Variants in SLC16A10 observed in about 807,000 individuals in gnomAD.
The protein encoded by SLC16A10 is monocarboxylate transporter 10.
SLC16A10 carries 27 observed loss-of-function variants against 40.0 expected under a neutral mutation model. The observed-to-expected ratio is 0.67, with a 90% CI of 0.50 to 0.93. The LOEUF (loss-of-function observed/expected upper bound fraction) is 0.93. SLC16A10 is among the 40% of genes least tolerant of loss of function. The probability of loss-of-function intolerance (pLI) is 0.00; values close to 1 mark genes in which losing one functional copy is unlikely to be tolerated. For synonymous variants in SLC16A10, 213 were observed against 249.8 expected (o/e 0.85, Z 1.39); for missense variants, 529 against 658.2 (o/e 0.80, Z 2.15).
intron 3 of SLC16A10, among the ~76,000 whole-genome samples, chr6:111,185,695 C>T (rs1772882648): frequency 6.6e-6 from 1 of 152,116 alleles, no homozygotes; most frequent in Admixed American, 6.6e-5. Context: ...CAAAAATGGA[C>T]ATGTACAAAT....
intron 3 of SLC16A10, among the ~76,000 whole-genome samples, chr6:111,198,634 AG>A (rs1215930756): frequency 6.6e-6 from 1 of 152,216 alleles, no homozygotes; most frequent in East Asian, 1.9e-4. Flanking sequence ...AACATGGAAA[AG>A]GTACAGTGAA....
intron 1 of SLC16A10, among the ~76,000 whole-genome samples, chr6:111,119,707 T>C (rs1182933897): frequency 6.6e-6 from 1 of 152,168 alleles, no homozygotes; most frequent in Non-Finnish European, 1.5e-5. Flanking sequence ...CCTTGACAGA[T>C]GTACTTAAGG....
At chr6:111,179,612 G>GAAGGT (rs1475765801) in intron 3 of SLC16A10, among the ~76,000 whole-genome samples, 7 of 152,206 alleles carry the variant, frequency 4.6e-5, no homozygotes, top group Non-Finnish European at 5.9e-5. Flanking sequence ...TTTCATAGTG[G>GAAGGT]AAGGTGAGTT....
chr6:111,118,082 T>C (rs996350077), intron 1 of SLC16A10, among the ~76,000 whole-genome samples: 11 of 152,148 alleles, frequency 7.2e-5, no homozygotes, highest in African/African-American at 2.7e-4. Context: ...GAACAGGCAG[T>C]TCACCAAAGA....
chr6:111,198,861 T>A (rs1435871952), intron 3 of SLC16A10, among the ~76,000 whole-genome samples: 8 of 152,210 alleles, frequency 5.3e-5, no homozygotes, highest in Admixed American at 6.5e-5. Flanking sequence ...CCTTTTCTTG[T>A]TTTTTAATAA....
At chr6:111,153,406 G>A (rs562387943) in intron 1 of SLC16A10, among the ~76,000 whole-genome samples, 35 of 152,164 alleles carry the variant, frequency 2.3e-4, no homozygotes, top group Non-Finnish European at 4.4e-4. Flanking sequence ...GCAGTGGCAC[G>A]TGCCTCTAGC....
At chr6:111,139,908 A>G (rs930109738) in intron 1 of SLC16A10, among the ~76,000 whole-genome samples, 1 of 152,144 alleles carries the variant, frequency 6.6e-6, no homozygotes, top group Non-Finnish European at 1.5e-5. Flanking sequence ...TTTCTCTACA[A>G]CCTCGCCAGC....
intron 1 of SLC16A10, among the ~76,000 whole-genome samples, chr6:111,108,040 G>C (rs549149720): frequency 6.9e-6 from 1 of 144,442 alleles, no homozygotes; most frequent in East Asian, 2.1e-4. Context: ...TTTTTTTTTA[G>C]TTGGAGTCTT....
At chr6:111,216,570 CTTTTTTTTTTTT>C (rs55837060) in intron 4 of SLC16A10, among the ~76,000 whole-genome samples, 1 of 133,562 alleles carries the variant, frequency 7.5e-6, no homozygotes, top group Non-Finnish European at 1.6e-5. Flanking sequence ...GCCCGGCTAA[CTTTTTTTTTTTT>C]TTTTTTGTAT....
chr6:111,204,206 A>C (rs62421953), intron 3 of SLC16A10, among the ~76,000 whole-genome samples: 16,680 of 152,246 alleles, frequency 0.11, 1,013 homozygotes, highest in Non-Finnish European at 0.14. Context: ...CAAGTCTGAG[A>C]GATTTAGAAA....
intron 5 of SLC16A10, among the ~76,000 whole-genome samples, chr6:111,221,234 C>T (rs1437541507): frequency 2.0e-5 from 3 of 151,914 alleles, no homozygotes; most frequent in African/African-American, 2.4e-5. Flanking sequence ...TGTTGAGTAC[C>T]GTAAAAGTTT....
At chr6:111,178,146 G>A (rs971693114) in intron 3 of SLC16A10, among the ~76,000 whole-genome samples, 1 of 152,204 alleles carries the variant, frequency 6.6e-6, no homozygotes, top group Non-Finnish European at 1.5e-5. Context: ...GACAAAGCTA[G>A]CGCTATGATT....
chr6:111,177,434 C>G lies in SLC16A10; in HGVS notation c.711C>G (p.Leu237=). 1 of 1,614,104 alleles carries G rather than the reference C, an allele frequency of 6.2e-7. No homozygotes were observed. The highest frequency in any genetic ancestry group is 1.1e-5 in the South Asian group (1 of 91,078). The change falls in exon 3 of 6, where the codon CTC becomes CTG. Residue 237 remains leucine, a synonymous_variant. Transcript: ENST00000368851. The stretch of plus-strand genomic sequence containing the variant: ...GCCTCTTTTACACATTGAGGGTGCT[C>G]TGCATCTTCATGTTTGTTCTCTTTC... The part of the protein sequence containing the change: ...SVGLFYTLRV[L]CIFMFVLFLA...
chr6:111,179,362 A>G (rs1772748501), intron 3 of SLC16A10, among the ~76,000 whole-genome samples: 1 of 152,226 alleles, frequency 6.6e-6, no homozygotes, highest in Non-Finnish European at 1.5e-5. Context: ...AGACTGAAAA[A>G]CAGATCTATT....
chr6:111,091,287 C>A (rs974683826), intron 1 of SLC16A10: 12 of 152,034 alleles, frequency 7.9e-5, no homozygotes, highest in Non-Finnish European at 1.3e-4. Context: ...TGTGTCATTC[C>A]AATTTTAGTA....
At chr6:111,160,429 A>G (rs1174165260) in intron 1 of SLC16A10, among the ~76,000 whole-genome samples, 2 of 152,132 alleles carry the variant, frequency 1.3e-5, no homozygotes, top group African/African-American at 2.4e-5. Context: ...TTAAGTAGAG[A>G]CAGGGTTTCA....
At chr6:111,206,410 T>C (rs1243081119) in intron 3 of SLC16A10, among the ~76,000 whole-genome samples, 182 bp from the exon 4 acceptor site, 2 of 152,146 alleles carry the variant, frequency 1.3e-5, no homozygotes, top group African/African-American at 4.8e-5. Flanking sequence ...AACTAAAACA[T>C]GTTAATTTTT....
intron 1 of SLC16A10, among the ~76,000 whole-genome samples, chr6:111,116,812 C>T (rs750636783): frequency 3.3e-5 from 5 of 152,056 alleles, no homozygotes; most frequent in Admixed American, 6.5e-5. Flanking sequence ...GTACTTAATT[C>T]GTTGTGGGCA....
intron 4 of SLC16A10, among the ~76,000 whole-genome samples, chr6:111,218,145 T>A (rs1160252072): frequency 6.6e-6 from 1 of 152,232 alleles, no homozygotes. Flanking sequence ...ATCAAGTGTT[T>A]AATGAATTTG....
Sources: allele counts gnomAD v4.1 joint callset (sites outside exome capture counted in the v4.1 genomes callset), GRCh38; gene constraint gnomAD v4.1.1; transcripts MANE v1.5; gene names NCBI Gene and HGNC (gene_info 2026-07-23, HGNC 2026-07-21).